Variants in RBM24 observed in about 807,000 individuals in gnomAD.
The protein encoded by RBM24 is RNA binding motif protein 24, also known as RNA-binding protein 24.
In RBM24, 5 loss-of-function variants were observed where a neutral mutation model predicts 23.6. The observed-to-expected ratio is 0.21, with a 90% CI of 0.11 to 0.45. The LOEUF is 0.45. Among genes scored for constraint, RBM24 ranks in the 20% least tolerant of loss-of-function variants. The pLI is 0.99. For missense variants in RBM24, 252 were observed against 314.6 expected (o/e 0.80, Z 1.51); for synonymous variants, 151 against 129.5 (o/e 1.17, Z -1.13).
rs1760394718 is a variant in RBM24 at position 17,292,302 on chromosome 6, A to T, written c.*183A>T. Reference sequence around the variant, plus strand: ...TAGTGTTCTAGATGAGAAAGAGGTAAGAATGAGGGGAATGGGCACAATTTT... The same window carrying T: ...TAGTGTTCTAGATGAGAAAGAGGTATGAATGAGGGGAATGGGCACAATTTT... On this transcript the variant is annotated 3_prime_UTR_variant, in exon 4 of 4. Coordinates refer to ENST00000379052, the MANE Select transcript of RBM24 (RefSeq NM_001143942.2). The T allele has an allele frequency of 2.0e-6, 1 of 490,884 alleles. No individual in the cohort carries two copies. Among genetic ancestry groups the T allele is most frequent in the African/African-American group, 2.0e-5 (1 of 50,718 alleles). The allele number at this position is 490,884 out of a possible 1,614,324, so 30.4% of individuals were successfully genotyped here. A position where few individuals can be genotyped will look rare whatever the true frequency, so the allele number is the denominator to read the frequency against.
In RBM24 at chr6:17,281,861, G is replaced by C. The variant is rs553782085; in HGVS notation, c.168+112G>C. On this transcript the variant is annotated intron_variant, in intron 1 of 3. Transcript: ENST00000379052. The surrounding 1 kb of genome is among the most constrained non-coding windows in gnomAD (Gnocchi z 7.1). ...TGACCCGTGAGGAGCCCCGCGGGTA[G>C]AGCGGCGCTGCCCCTTCGCTCCGGG... The C allele has an allele frequency of 1.4e-6, 2 of 1,407,192 alleles. No individual in the cohort carries two copies. Among genetic ancestry groups the C allele is most frequent in the Admixed American group, 2.3e-5 (1 of 43,676 alleles). 87.2% of individuals were successfully genotyped at this position (1,407,192 alleles called of 1,614,324 possible). A position where few individuals can be genotyped will look rare whatever the true frequency, so the allele number is the denominator to read the frequency against.
At chr6:17,284,816 A>G (rs1345797819) in intron 3 of RBM24, 105 bp downstream of exon 3, 5 of 733,600 alleles carry the variant, frequency 6.8e-6, no homozygotes, top group Non-Finnish European at 1.1e-5. Context: ...GAATGGTCCT[A>G]GTTATACAAT....
At chr6:17,288,684 AG>A (rs1231743705) in intron 3 of RBM24, 1 of 978,410 alleles carries the variant, frequency 1.0e-6, no homozygotes, top group Non-Finnish European at 1.2e-6. Flanking sequence ...CATCTGGGTG[AG>A]GGATGAATGA....
chr6:17,288,497 A>G (rs763257181), intron 3 of RBM24: 21 of 983,868 alleles, frequency 2.1e-5, no homozygotes, highest in African/African-American at 7.0e-5. Context: ...TTGTGAGATT[A>G]TTAGTCCATT....
chr6:17,289,392 A>G, intron 3 of RBM24: 1 of 985,316 alleles, frequency 1.0e-6, no homozygotes, highest in African/African-American at 1.7e-5. Context: ...CGTCTCTTTA[A>G]CCTTTGCCAA....
chr6:17,282,696 AG>A, intron 1 of RBM24, 108 bp from the exon 2 acceptor site: 1 of 1,423,640 alleles, frequency 7.0e-7, no homozygotes, highest in Non-Finnish European at 9.4e-7. Context: ...ATAGAAAAAA[AG>A]TTTGATCTCA....
chr6:17,281,785 G>A lies in RBM24; in HGVS notation c.168+36G>A, dbSNP rs1181469404. On this transcript the variant is annotated intron_variant, in intron 1 of 3. Coordinates refer to ENST00000379052, the MANE Select transcript of RBM24 (RefSeq NM_001143942.2). This position sits in a 1 kb window ranked among gnomAD's most constrained non-coding sequence, Gnocchi z 7.1. ...CGGACTGGGGGTGACGGGGAGGGAC[G>A]GAGTGGCGGCTGACCCCGGGGATCG... 2 of 1,543,182 alleles carry A rather than the reference G, an allele frequency of 1.3e-6. No homozygotes were observed. Among genetic ancestry groups the A allele is most frequent in the East Asian group, 2.5e-5 (1 of 39,998 alleles).
At position 17,293,800 on chromosome 6, in the gene RBM24, G is replaced by A. The variant is rs1026719353; in HGVS notation, c.*1681G>A. ...ACTCTCCTGTGCAAATTATTTATTC[G>A]TTGTGTATATTGCTTTATAACATTT... On this transcript the variant is annotated 3_prime_UTR_variant, in exon 4 of 4. Transcript: ENST00000379052. 3 of 152,462 alleles carry A rather than the reference G, an allele frequency of 2.0e-5. No homozygotes were observed. Among genetic ancestry groups the A allele is most frequent in the Non-Finnish European group, 2.9e-5 (2 of 67,994 alleles). 9.4% of individuals were successfully genotyped at this position (152,462 alleles called of 1,614,324 possible).
chr6:17,284,664 C>T lies in RBM24; in HGVS notation c.300C>T (p.Ala100=). 1.2e-6 allele frequency: 2 copies of T among 1,611,394 alleles called. No individual in the cohort carries two copies. Among genetic ancestry groups the T allele is most frequent in the Non-Finnish European group, 1.7e-6 (2 of 1,178,680 alleles). ...GGTATATTTTGTTGTTAGGTTTTGC[C>T]TTTGGTGTTCAACAACTTCATCCAG... The part of the protein sequence containing the change: ...AKPRIMQPGF[A]FGVQQLHPAL... Residue 100 remains alanine (A), a synonymous_variant, in exon 3 of 4, where the codon GCC becomes GCT. Transcript: ENST00000379052.
rs754552659 is a variant in RBM24 at position 17,282,941 on chromosome 6, T to TGTCTCCC, written c.292+14_292+20dup. 3.8e-6 allele frequency: 6 copies of TGTCTCCC among 1,598,564 alleles called. No homozygotes were observed. The Admixed American group carries it at 6.7e-5, about 18-fold the overall frequency. On this transcript the variant is annotated intron_variant, in intron 2 of 3. Coordinates refer to ENST00000379052, the MANE Select transcript of RBM24 (RefSeq NM_001143942.2). ...ATCATGCAACCAGGTGAGAAATGTC[T>TGTCTCCC]GTCTCCCCTACCCCCCTCTCCAAGA...
intron 3 of RBM24, among the ~76,000 whole-genome samples, chr6:17,285,419 C>T (rs552618205): frequency 1.6e-4 from 23 of 147,220 alleles, no homozygotes; most frequent in African/African-American, 5.2e-4. Context: ...AAGCAAAGGG[C>T]CTTTTTTTTT....
rs1259866096 is a variant in RBM24 at position 17,293,803 on chromosome 6, G to A, written c.*1684G>A. 2 of 152,668 alleles carry A rather than the reference G, an allele frequency of 1.3e-5. No individual in the cohort carries two copies. The highest frequency in any genetic ancestry group is 4.8e-5 in the African/African-American group (2 of 41,534). 9.5% of individuals were successfully genotyped at this position (152,668 alleles called of 1,614,324 possible). ...CTCCTGTGCAAATTATTTATTCGTT[G>A]TGTATATTGCTTTATAACATTTCAG... On this transcript the variant is annotated 3_prime_UTR_variant, in exon 4 of 4. Transcript: ENST00000379052.
intron 2 of RBM24, among the ~76,000 whole-genome samples, chr6:17,284,353 T>G (rs528424213): frequency 1.1e-4 from 16 of 152,334 alleles, no homozygotes; most frequent in Admixed American, 5.2e-4. Flanking sequence ...GTAACTTCAC[T>G]GTCAAATCCT....
chr6:17,293,825 T>C lies in RBM24; in HGVS notation c.*1706T>C, dbSNP rs1318608198. On this transcript the variant is annotated 3_prime_UTR_variant, in exon 4 of 4. Transcript: ENST00000379052. ...GTTGTGTATATTGCTTTATAACATT[T>C]CAGATCTTCTAATCTATTCACTTGT... 3 of 152,794 alleles carry C rather than the reference T, an allele frequency of 2.0e-5. No individual in the cohort carries two copies. The highest frequency in any genetic ancestry group is 2.0e-4 in the Admixed American group (3 of 15,294). The allele number at this position is 152,794 out of a possible 1,614,324, so 9.5% of individuals were successfully genotyped here.
chr6:17,281,536 GAGCCGC>G lies in RBM24; in HGVS notation c.-34_-29del, dbSNP rs991379437. The stretch of plus-strand genomic sequence containing the variant: ...GGAGGAGGAGGCGCAGCCGCTGCCC[GAGCCGC>G]AGCCGCAGCCGGAGCCCGAGCCGCG... On this transcript the variant is annotated 5_prime_UTR_variant, in exon 1 of 4. Transcript: ENST00000379052. This position sits in a 1 kb window ranked among gnomAD's most constrained non-coding sequence, Gnocchi z 7.1. 2.4e-5 allele frequency: 35 copies of G among 1,456,428 alleles called. No individual in the cohort carries two copies. Among genetic ancestry groups the G allele is most frequent in the African/African-American group, 3.0e-5 (2 of 66,852 alleles). The allele number at this position is 1,456,428 out of a possible 1,614,324, so 90.2% of individuals were successfully genotyped here.
Position 17,281,737 on chromosome 6 carries a change from G to A in RBM24, c.156G>A (p.Arg52=). ...CCGACCGGCAGACGGGCAAGTCCCG[G>A]GGCTATGGATTTGTAAGTTGCACGG... The part of the protein sequence containing the change: ...VITDRQTGKS[R]GYGFVTMADR... The change falls in exon 1 of 4, where the codon CGG becomes CGA. Residue 52 remains arginine, a synonymous_variant. Coordinates refer to ENST00000379052, the MANE Select transcript of RBM24 (RefSeq NM_001143942.2). The surrounding 1 kb of genome is among the most constrained non-coding windows in gnomAD (Gnocchi z 7.1). The A allele has an allele frequency of 6.4e-7, 1 of 1,550,538 alleles. No homozygotes were observed.
chr6:17,288,952 G>A (rs983709299), intron 3 of RBM24: 6 of 985,256 alleles, frequency 6.1e-6, no homozygotes, highest in Admixed American at 6.2e-5. Context: ...AGATAGATTG[G>A]AAAAAGAAAC....
intron 1 of RBM24, chr6:17,282,434 C>G (rs1258943005): frequency 2.0e-6 from 1 of 504,834 alleles, no homozygotes; most frequent in Non-Finnish European, 3.7e-6. Context: ...AACGGTGCCT[C>G]TGAGGCTGAG....
chr6:17,287,675 T>C (rs1330598592), intron 3 of RBM24, among the ~76,000 whole-genome samples: 6 of 151,662 alleles, frequency 4.0e-5, no homozygotes, highest in Non-Finnish European at 8.8e-5. Context: ...CTGGGCGTGG[T>C]GGTGGGCGCC....
Sources: allele counts gnomAD v4.1 joint callset (sites outside exome capture counted in the v4.1 genomes callset), GRCh38; gene constraint gnomAD v4.1.1; non-coding constraint Gnocchi (gnomAD v3.1); transcripts MANE v1.5; gene names NCBI Gene and HGNC (gene_info 2026-07-23, HGNC 2026-07-21).